Variants in PKNOX2 observed in about 807,000 individuals in gnomAD.
The protein encoded by PKNOX2 is PBX/knotted 1 homeobox 2.
In PKNOX2, 14 loss-of-function variants were observed where a neutral mutation model predicts 53.1. The observed-to-expected ratio is 0.26, with a 90% confidence interval of 0.17 to 0.41. The LOEUF is 0.41. Among genes scored for constraint, PKNOX2 ranks in the 10% least tolerant of loss-of-function variants. The probability of loss-of-function intolerance (pLI) is 1.00; values close to 1 mark genes in which losing one functional copy is unlikely to be tolerated. For synonymous variants in PKNOX2, 257 were observed against 242.8 expected (o/e 1.06, Z -0.54); for missense variants, 496 against 602.8 (o/e 0.82, Z 1.85).
At chr11:125,202,114 G>A (rs1938515243) in intron 1 of PKNOX2, among the ~76,000 whole-genome samples, 1 of 152,222 alleles carries the variant, frequency 6.6e-6, no homozygotes. Flanking sequence ...TAATCAGTTA[G>A]CTGAGGGGAA....
chr11:125,361,292 A>G (rs1392696976), intron 4 of PKNOX2, among the ~76,000 whole-genome samples: 2 of 152,226 alleles, frequency 1.3e-5, no homozygotes, highest in African/African-American at 4.8e-5. Context: ...GCTGAGGGCC[A>G]CGCAGGCCTG....
At chr11:125,205,180 T>C (rs180964637) in intron 1 of PKNOX2, among the ~76,000 whole-genome samples, 3 of 152,374 alleles carry the variant, frequency 2.0e-5, no homozygotes, top group Non-Finnish European at 1.5e-5. Flanking sequence ...TCTGAGTTCT[T>C]GGCATTTATT....
chr11:125,329,979 C>T (rs191489693), intron 2 of PKNOX2, among the ~76,000 whole-genome samples: 5 of 152,262 alleles, frequency 3.3e-5, no homozygotes, highest in African/African-American at 4.8e-5. Flanking sequence ...GAGGCACTCA[C>T]GGCTGTGTCG....
intron 2 of PKNOX2, among the ~76,000 whole-genome samples, chr11:125,326,670 G>A (rs1321128058): frequency 1.3e-5 from 2 of 152,158 alleles, no homozygotes; most frequent in Non-Finnish European, 1.5e-5. Flanking sequence ...GCCTTTCCCT[G>A]GGATGACAGT....
Position 125,431,296 on chromosome 11 carries a change from A to G in PKNOX2, c.1323A>G (p.Glu441=). Reference sequence around the variant, plus strand: ...AAGAAGAGGATGAGGATGAGATGGAAGAGGAGGAGGAGGAGGAGCTGGAGG... The same window carrying G: ...AAGAAGAGGATGAGGATGAGATGGAGGAGGAGGAGGAGGAGGAGCTGGAGG... The part of the protein sequence containing the change: ...GTEEEDEDEM[E]EEEEEELEEE... Residue 441 remains glutamate, a synonymous_variant, in exon 13 of 13, where the codon GAA becomes GAG. Coordinates refer to ENST00000298282, the MANE Select transcript of PKNOX2 (RefSeq NM_001382323.2). 1.2e-6 allele frequency: 2 copies of G among 1,613,080 alleles called. No homozygotes were observed. The highest frequency in any genetic ancestry group is 1.7e-6 in the Non-Finnish European group (2 of 1,179,642).
rs371289970 is a variant in PKNOX2 at position 125,329,357 on chromosome 11, A to AT, written c.-129-2456dup. On this transcript the variant is annotated intron_variant, in intron 2 of 12. Coordinates refer to ENST00000298282, the MANE Select transcript of PKNOX2 (RefSeq NM_001382323.2). ...TTAACATTTTTCCTCTTATTTGTCT[A>AT]TTTTTTACAAGAAGCATTTGCTATT... is the stretch of plus-strand genomic sequence containing the variant. 4.7e-3 allele frequency among the ~76,000 whole-genome samples: 713 copies of AT among 152,252 alleles called. 4 individuals are homozygous for AT. Among genetic ancestry groups the AT allele is most frequent in the African/African-American group, 0.016 (674 of 41,554 alleles).
intron 2 of PKNOX2, among the ~76,000 whole-genome samples, chr11:125,277,170 T>C (rs1307291605): frequency 6.6e-6 from 1 of 152,136 alleles, no homozygotes; most frequent in Non-Finnish European, 1.5e-5. Flanking sequence ...GTGATTCAGT[T>C]AGTGGTGTGC....
intron 2 of PKNOX2, among the ~76,000 whole-genome samples, chr11:125,248,795 C>G (rs1943756725): frequency 6.8e-6 from 1 of 147,312 alleles, no homozygotes; most frequent in Non-Finnish European, 1.5e-5. Context: ...TGATGGGTCT[C>G]ACTATGTTGC....
At chr11:125,255,334 C>T (rs1480854021) in intron 2 of PKNOX2, among the ~76,000 whole-genome samples, 2 of 152,166 alleles carry the variant, frequency 1.3e-5, no homozygotes, top group Non-Finnish European at 2.9e-5. Flanking sequence ...TTTCCCTGAG[C>T]TCTAGCCTCG....
At position 125,352,966 on chromosome 11, in the gene PKNOX2, G is replaced by A. The variant is rs527794857; in HGVS notation, c.87+1574G>A. Among the ~76,000 whole-genome samples the A allele has an allele frequency of 6.6e-6, 1 of 152,242 alleles. No homozygotes were observed. The highest frequency in any genetic ancestry group is 1.5e-5 in the Non-Finnish European group (1 of 68,010). On this transcript the variant is annotated intron_variant, in intron 4 of 12. Coordinates refer to ENST00000298282, the MANE Select transcript of PKNOX2 (RefSeq NM_001382323.2). The surrounding 1 kb of genome is among the most constrained non-coding windows in gnomAD (Gnocchi z 4.1). The stretch of plus-strand genomic sequence containing the variant: ...AGTTCAGAAGGAGCCCTCAACTGAT[G>A]GGAACCTTTTGCCTCCCAAGAAAGA...
intron 2 of PKNOX2, among the ~76,000 whole-genome samples, chr11:125,299,124 G>A (rs557116395): frequency 1.3e-5 from 2 of 152,142 alleles, no homozygotes; most frequent in Non-Finnish European, 2.9e-5. Flanking sequence ...GCAAGAGCAG[G>A]AGCAAGAGAG....
intron 7 of PKNOX2, among the ~76,000 whole-genome samples, chr11:125,408,335 C>T (rs1955241998): frequency 6.6e-6 from 1 of 152,216 alleles, no homozygotes; most frequent in Non-Finnish European, 1.5e-5. Context: ...AAAGTATAAG[C>T]TTCACGGGCT....
chr11:125,429,669 G>T (rs1383319100), intron 11 of PKNOX2, among the ~76,000 whole-genome samples: 1 of 152,206 alleles, frequency 6.6e-6, no homozygotes, highest in East Asian at 1.9e-4. Flanking sequence ...GAAGTCAGAG[G>T]TTAGTGCCTA....
chr11:125,316,163 C>T (rs917329698), intron 2 of PKNOX2, among the ~76,000 whole-genome samples: 1 of 152,146 alleles, frequency 6.6e-6, no homozygotes, highest in Non-Finnish European at 1.5e-5. Context: ...CACTGTGAAC[C>T]CCTCATTCCC....
At chr11:125,298,177 G>A (rs957383272) in intron 2 of PKNOX2, among the ~76,000 whole-genome samples, 2 of 152,176 alleles carry the variant, frequency 1.3e-5, no homozygotes, top group East Asian at 1.9e-4. Context: ...AAGGAAACAG[G>A]CAGAGGCTGT....
At chr11:125,415,478 A>G (rs892766789) in intron 10 of PKNOX2, among the ~76,000 whole-genome samples, 1 of 151,898 alleles carries the variant, frequency 6.6e-6, no homozygotes, top group African/African-American at 2.4e-5. Context: ...CTTGAACTCA[A>G]CCTCAAGTGA....
intron 2 of PKNOX2, among the ~76,000 whole-genome samples, chr11:125,323,858 T>TGTGTGTGG (rs1400382345): frequency 6.7e-6 from 1 of 149,866 alleles, no homozygotes; most frequent in Non-Finnish European, 1.5e-5. Flanking sequence ...TCTGGGGTTG[T>TGTGTGTGG]GTGTGTGTGT....
intron 2 of PKNOX2, among the ~76,000 whole-genome samples, chr11:125,280,699 C>T (rs1249509418): frequency 2.0e-5 from 3 of 152,162 alleles, no homozygotes; most frequent in South Asian, 2.1e-4. Flanking sequence ...CCGTTCAGTG[C>T]TCTCCATCAA....
In PKNOX2 at chr11:125,432,883, C is replaced by G. The variant is rs777654213; in HGVS notation, c.*1491C>G. The G allele has an allele frequency of 6.6e-6, 1 of 152,626 alleles. No individual in the cohort carries two copies. The highest frequency in any genetic ancestry group is 2.4e-5 in the African/African-American group (1 of 41,442). The allele number at this position is 152,626 out of a possible 1,614,324, so 9.5% of individuals were successfully genotyped here. The stretch of plus-strand genomic sequence containing the variant: ...CTACCTGGCTCAACTGGAGGGGACC[C>G]CTTGGGCCCTCTGGGGCTTCCCCTC... On this transcript the variant is annotated 3_prime_UTR_variant, in exon 13 of 13. Transcript: ENST00000298282.
Sources: allele counts gnomAD v4.1 joint callset (sites outside exome capture counted in the v4.1 genomes callset), GRCh38; gene constraint gnomAD v4.1.1; non-coding constraint Gnocchi (gnomAD v3.1); transcripts MANE v1.5; gene names NCBI Gene and HGNC (gene_info 2026-07-23, HGNC 2026-07-21).